HELZ2: variants seen among roughly 807,000 people sequenced by gnomAD.
HELZ2 encodes the protein 3'-5' exoribonuclease HELZ2.
In HELZ2, 143 loss-of-function variants were observed where a neutral mutation model predicts 208.8. That is an observed-to-expected ratio of 0.68 (90% CI 0.60 to 0.79). HELZ2 has a LOEUF of 0.79. HELZ2 is among the 30% of genes least tolerant of loss of function. HELZ2 has a pLI of 0.00. For missense variants in HELZ2, 3,690 were observed against 3,794.5 expected, an observed-to-expected ratio of 0.97 and a Z score of 0.72; for synonymous variants, 1,705 against 1,693.7, an observed-to-expected ratio of 1.01 and a Z score of -0.16.
At chr20:63,560,527 G>C (rs773829589) in exon 16 of HELZ2, 1 of 1,612,892 alleles carries the variant, frequency 6.2e-7, no homozygotes, top group Non-Finnish European at 8.5e-7. Flanking sequence ...CATTCCCTTC[G>C]TCCGTGGACA....
chr20:63,560,206 G>A, exon 17 of HELZ2: 1 of 1,540,616 alleles, frequency 6.5e-7, no homozygotes, highest in Non-Finnish European at 8.7e-7. Flanking sequence ...GGCCACCCCG[G>A]CGATGCCCTC....
chr20:63,567,069 G>C (rs1326327661), exon 6 of HELZ2: 2 of 1,612,008 alleles, frequency 1.2e-6, no homozygotes, highest in African/African-American at 2.7e-5. Context: ...CGTGGATGGG[G>C]TTGCCCTTGG....
chr20:63,563,746 G>A (rs1473363772), exon 8 of HELZ2: 1 of 1,600,322 alleles, frequency 6.2e-7, no homozygotes, highest in Non-Finnish European at 8.5e-7. Flanking sequence ...AGCCCCCATG[G>A]CCCAGCGCCA....
At chr20:63,572,568 G>C (rs2146024996), upstream of HELZ2, 1 of 629,314 alleles carries the variant, frequency 1.6e-6, no homozygotes, top group African/African-American at 1.9e-5. Flanking sequence ...CAGGCTCCGT[G>C]CTCAGGGCAC....
exon 16 of HELZ2, chr20:63,560,632 G>A: frequency 7.5e-6 from 12 of 1,610,638 alleles, no homozygotes; most frequent in Non-Finnish European, 9.3e-6. Context: ...GCCTCCTCAG[G>A]CCCTGCCACG....
In HELZ2 at chr20:63,570,559, T is replaced by C. The variant is rs748282625; in HGVS notation, c.515A>G (p.Tyr172Cys). The change falls in exon 3 of 19, where the codon TAC (tyrosine) becomes TGC (cysteine). Residue 172 changes from tyrosine to cysteine, a missense_variant. Coordinates refer to ENST00000467148, the Ensembl canonical transcript of HELZ2. Reference sequence around the variant, plus strand: ...CTGGGTCTTCCTCTCCTGGGCCTGGTACATCAGGGGCTGGTTGCAGGTGAC... The same window carrying C: ...CTGGGTCTTCCTCTCCTGGGCCTGGCACATCAGGGGCTGGTTGCAGGTGAC... 5.0e-6 allele frequency: 8 copies of C among 1,613,452 alleles called. 1 individual carries two copies. The South Asian group carries it at 8.8e-5, about 18-fold the overall frequency.
chr20:63,562,091 C>T (rs534861635), exon 10 of HELZ2: 36 of 1,611,972 alleles, frequency 2.2e-5, no homozygotes, highest in Middle Eastern at 1.6e-4. Context: ...CCTGAATGAC[C>T]GTGAAAGGCT....
chr20:63,564,929 C>A, exon 8 of HELZ2: 1 of 1,611,188 alleles, frequency 6.2e-7, no homozygotes. Flanking sequence ...GCCGAGGATG[C>A]GGAGGCCCTG....
chr20:63,560,292 G>A (rs6011898), exon 17 of HELZ2: 121 of 1,560,302 alleles, frequency 7.8e-5, no homozygotes, highest in Admixed American at 1.1e-4. Context: ...GGGGCTCTAC[G>A]GTCCTCCCCA....
At chr20:63,573,928 C>G (rs987211604), upstream of HELZ2, among the ~76,000 whole-genome samples, 9 of 152,158 alleles carry the variant, frequency 5.9e-5, no homozygotes, top group Admixed American at 5.9e-4. This position sits in a 1 kb window ranked among gnomAD's most constrained non-coding sequence, Gnocchi z 4.9. Flanking sequence ...GCCGAGACCC[C>G]AAAATCCTGC....
At chr20:63,570,717 C>T (rs146004963) in exon 2 of HELZ2, 43 of 1,519,348 alleles carry the variant, frequency 2.8e-5, no homozygotes, top group Non-Finnish European at 3.6e-5. Flanking sequence ...CGCTGGTACT[C>T]GGCCAGCAGC....
chr20:63,570,288 T>G, intron 3 of HELZ2: 1 of 690,458 alleles, frequency 1.4e-6, no homozygotes, highest in Non-Finnish European at 2.7e-6. Flanking sequence ...ATATACTCCA[T>G]AGAATAACCC....
At chr20:63,564,805 G>A (rs2082931656) in exon 8 of HELZ2, 1 of 1,609,584 alleles carries the variant, frequency 6.2e-7, no homozygotes. Context: ...AGGTCAAGAA[G>A]GCGCGGCAGT....
chr20:63,565,484 A>G (rs751289738), exon 8 of HELZ2: 2 of 1,607,366 alleles, frequency 1.2e-6, no homozygotes, highest in East Asian at 2.2e-5. Flanking sequence ...AGCCGGGGGC[A>G]GGTTCTCGTA....
chr20:63,563,029 CG>C lies in HELZ2; in HGVS notation c.5792del (p.Pro1931ArgfsTer39). ...CATCCACGTCGCGGTACCGGTCCCT[CG>C]GGGCCCGGTACACACGGCCTGAGAA... On this transcript the variant is annotated frameshift_variant, in exon 8 of 19. Coordinates refer to ENST00000467148, the Ensembl canonical transcript of HELZ2. LOFTEE classifies it high-confidence loss of function. The C allele has an allele frequency of 6.2e-7, 1 of 1,600,544 alleles. No individual in the cohort carries two copies. Among genetic ancestry groups the C allele is most frequent in the Non-Finnish European group, 8.5e-7 (1 of 1,173,222 alleles).
chr20:63,560,371 C>T (rs1052132475), intron 16 of HELZ2, 44 bp from the exon 18 acceptor site: 1 of 1,501,754 alleles, frequency 6.7e-7, no homozygotes, highest in African/African-American at 1.5e-5. Flanking sequence ...TGGTGTCTCT[C>T]CTGCCCTCCT....
At chr20:63,569,924 A>C (rs919900307) in intron 3 of HELZ2, among the ~76,000 whole-genome samples, 1 of 152,124 alleles carries the variant, frequency 6.6e-6, no homozygotes. Flanking sequence ...CCCACTCTCC[A>C]GGTGCCAGAC....
chr20:63,559,927 C>T lies in HELZ2; in HGVS notation c.7825+1G>A. ...CTGGAAGAGCCCAGCCCCGCCCTCA[C>T]CGATCAGGCAGAGCCCCTCCTGGGC... On this transcript the variant is annotated splice_donor_variant, in intron 18 of 18. Coordinates refer to ENST00000467148, the Ensembl canonical transcript of HELZ2. LOFTEE classifies it high-confidence loss of function. 6.2e-7 allele frequency: 1 copy of T among 1,609,204 alleles called. No homozygotes were observed. Among genetic ancestry groups the T allele is most frequent in the East Asian group, 2.2e-5 (1 of 44,878 alleles).
Position 63,564,055 on chromosome 20 carries a change from G to GC in HELZ2, c.4766dup (p.Ser1590GlnfsTer178). On this transcript the variant is annotated frameshift_variant, in exon 8 of 19. Transcript: ENST00000467148. LOFTEE classifies it high-confidence loss of function. Reference sequence around the variant, plus strand: ...GGTGCAGCCGCGTGTCGGGGGGACTGCCCCCGCCGCCGTGCAGGTGGTGGC... The same window carrying GC: ...GGTGCAGCCGCGTGTCGGGGGGACTGCCCCCCGCCGCCGTGCAGGTGGTGGC... The GC allele has an allele frequency of 6.2e-7, 1 of 1,604,326 alleles. No individual in the cohort carries two copies.
Sources: gnomAD v4.1 joint callset for allele counts (sites outside exome capture counted in the v4.1 genomes callset) on GRCh38, gnomAD v4.1.1 for gene constraint, Gnocchi (gnomAD v3.1) non-coding constraint, MANE v1.5 for transcripts, NCBI Gene and HGNC (gene_info 2026-07-23, HGNC 2026-07-21) for gene names.